GRM8: variants seen among roughly 807,000 people sequenced by gnomAD.
GRM8 encodes the protein glutamate metabotropic receptor 8.
Under a neutral mutation model 87.2 loss-of-function variants are expected in GRM8, and 47 were observed. The observed-to-expected ratio is 0.54, with a 90% CI of 0.43 to 0.69. The LOEUF (loss-of-function observed/expected upper bound fraction) is 0.69. Ranked by LOEUF, GRM8 falls within the 30% of genes least tolerant of loss-of-function variation. The pLI, the probability that GRM8 is intolerant of heterozygous loss-of-function variation, is 0.00. For missense variants in GRM8, 1,019 were observed against 1,139.2 expected, an observed-to-expected ratio of 0.89 and a Z score of 1.52; for synonymous variants, 396 against 404.5, an observed-to-expected ratio of 0.98 and a Z score of 0.25.
At chr7:126,888,819 T>C (rs1482299055) in intron 6 of GRM8, among the ~76,000 whole-genome samples, 5 of 152,106 alleles carry the variant, frequency 3.3e-5, no homozygotes, top group South Asian at 2.1e-4. Flanking sequence ...AAAAGGATAA[T>C]TCAAACCAGC....
intron 8 of GRM8, among the ~76,000 whole-genome samples, chr7:126,566,704 G>A (rs1044222951): frequency 1.3e-5 from 2 of 152,114 alleles, no homozygotes; most frequent in African/African-American, 4.8e-5. Flanking sequence ...ATTGAAATCA[G>A]GGTCTCAAAG....
chr7:126,475,730 A>G (rs1013862745), intron 9 of GRM8, among the ~76,000 whole-genome samples: 1 of 152,204 alleles, frequency 6.6e-6, no homozygotes, highest in Non-Finnish European at 1.5e-5. Context: ...TTACAAAGCT[A>G]TAGTAATCAA....
At chr7:126,576,340 C>T (rs1585100567) in intron 8 of GRM8, among the ~76,000 whole-genome samples, 1 of 152,044 alleles carries the variant, frequency 6.6e-6, no homozygotes, top group Admixed American at 6.6e-5. Context: ...TGGAGTGCAG[C>T]GATGTGATCT....
chr7:126,942,209 T>C (rs17869476), intron 3 of GRM8, among the ~76,000 whole-genome samples: 2,428 of 152,306 alleles, frequency 0.016, 59 homozygotes, highest in African/African-American at 0.055. Flanking sequence ...CGTTACTATA[T>C]TGAGAACGTA....
At chr7:126,880,326 A>C (rs552242694) in intron 6 of GRM8, among the ~76,000 whole-genome samples, 1 of 152,368 alleles carries the variant, frequency 6.6e-6, no homozygotes, top group South Asian at 2.1e-4. Flanking sequence ...CAAGTTCAAC[A>C]GTCTTAATGC....
intron 9 of GRM8, among the ~76,000 whole-genome samples, chr7:126,499,354 A>C (rs1365489121): frequency 6.6e-6 from 1 of 151,740 alleles, no homozygotes; most frequent in African/African-American, 2.4e-5. Context: ...TTCTATACTC[A>C]CTGTTGGTGA....
chr7:127,022,533 G>T (rs1398775957), intron 3 of GRM8, among the ~76,000 whole-genome samples: 1 of 151,986 alleles, frequency 6.6e-6, no homozygotes, highest in African/African-American at 2.4e-5. Flanking sequence ...GGGAGGAATG[G>T]GGTGGGGAAT....
intron 3 of GRM8, among the ~76,000 whole-genome samples, chr7:126,906,107 T>C (rs1232080947): frequency 1.3e-5 from 2 of 152,142 alleles, no homozygotes; most frequent in Non-Finnish European, 2.9e-5. Flanking sequence ...AGTGGAGTCC[T>C]TATGAATGGG....
At chr7:126,592,013 T>C (rs962958389) in intron 8 of GRM8, among the ~76,000 whole-genome samples, 3 of 151,416 alleles carry the variant, frequency 2.0e-5, no homozygotes, top group Admixed American at 1.3e-4. Flanking sequence ...AAAAAATGGG[T>C]AAATTCCTTG....
chr7:127,181,376 C>T (rs1587215708), intron 2 of GRM8, among the ~76,000 whole-genome samples: 1 of 152,044 alleles, frequency 6.6e-6, no homozygotes, highest in East Asian at 1.9e-4. Flanking sequence ...CACATCCATG[C>T]TCATGGGATG....
intron 8 of GRM8, among the ~76,000 whole-genome samples, chr7:126,569,031 C>T (rs1794475110): frequency 3.3e-5 from 5 of 152,076 alleles, no homozygotes; most frequent in Admixed American, 1.3e-4. Context: ...TGCTAAACAG[C>T]AGTGATTCAG....
intron 8 of GRM8, among the ~76,000 whole-genome samples, chr7:126,571,186 A>G (rs748310380): frequency 6.6e-6 from 1 of 152,200 alleles, no homozygotes; most frequent in Non-Finnish European, 1.5e-5. Flanking sequence ...CATTACTAAT[A>G]CAAGAAATTT....
chr7:126,920,139 TCTCTGTCTCC>T (rs755785118), intron 3 of GRM8, among the ~76,000 whole-genome samples: 8 of 152,118 alleles, frequency 5.3e-5, no homozygotes, highest in Admixed American at 3.9e-4. Context: ...TCTCTGTCTC[TCTCTGTCTCC>T]ATTCACCGTG....
chr7:127,006,909 G>A (rs1814372046), intron 3 of GRM8, among the ~76,000 whole-genome samples: 1 of 151,956 alleles, frequency 6.6e-6, no homozygotes, highest in African/African-American at 2.4e-5. Flanking sequence ...TGGAGCTCTG[G>A]AATCAACTCA....
chr7:126,866,606 T>G (rs1212369972), intron 6 of GRM8, among the ~76,000 whole-genome samples: 3 of 113,100 alleles, frequency 2.7e-5, no homozygotes, highest in Non-Finnish European at 3.9e-5. Flanking sequence ...TTTTTTTTTT[T>G]TTTGAGACGG....
At chr7:126,729,056 T>C (rs1040781267) in intron 7 of GRM8, among the ~76,000 whole-genome samples, 19 of 152,100 alleles carry the variant, frequency 1.2e-4, no homozygotes, top group African/African-American at 4.6e-4. Flanking sequence ...CCATAAAGGC[T>C]TCACAGCCCT....
intron 10 of GRM8, among the ~76,000 whole-genome samples, chr7:126,439,840 G>GTGTA (rs1801254826): frequency 6.6e-6 from 1 of 151,428 alleles, no homozygotes; most frequent in Non-Finnish European, 1.5e-5. Context: ...GTGTGTGTGT[G>GTGTA]TGTGTGTGTG....
At chr7:127,153,700 T>C (rs1792544885) in intron 2 of GRM8, among the ~76,000 whole-genome samples, 1 of 152,130 alleles carries the variant, frequency 6.6e-6, no homozygotes, top group South Asian at 2.1e-4. Flanking sequence ...TACTGAATGA[T>C]TTAATTCATT....
chr7:126,559,553 T>G (rs1439521240), intron 8 of GRM8, among the ~76,000 whole-genome samples: 1 of 152,216 alleles, frequency 6.6e-6, no homozygotes, highest in Non-Finnish European at 1.5e-5. Context: ...CTCGTCTCAA[T>G]TACTGTTGTG....
Sources: gnomAD v4.1 joint callset for allele counts (sites outside exome capture counted in the v4.1 genomes callset) on GRCh38, gnomAD v4.1.1 for gene constraint, MANE v1.5 for transcripts, NCBI Gene and HGNC (gene_info 2026-07-23, HGNC 2026-07-21) for gene names.